CD99L2: variants seen among roughly 807,000 people sequenced by gnomAD.
The protein encoded by CD99L2 is CD99 molecule like 2.
A neutral mutation model predicts 27.3 loss-of-function variants in CD99L2; 24 were observed. The ratio of observed to expected loss-of-function variants is 0.88; its 90% CI spans 0.64 to 1.24. The LOEUF is 1.24. CD99L2 is among the 50% of genes most tolerant of loss of function. CD99L2 has a pLI of 0.00. For synonymous variants in CD99L2, 97 were observed against 87.9 expected (o/e 1.10, Z -0.58); for missense variants, 255 against 221.6 (o/e 1.15, Z -0.96).
chrX:150,882,527 C>A (rs1209513179), intron 1 of CD99L2, among the ~76,000 whole-genome samples: 4 of 109,934 alleles, frequency 3.6e-5, no homozygotes, highest in African/African-American at 1.3e-4. Context: ...GAGTTCGAGA[C>A]CAGCCTGGCC....
At chrX:150,775,257 C>A (rs923579396) in intron 9 of CD99L2, among the ~76,000 whole-genome samples, 9 of 111,383 alleles carry the variant, frequency 8.1e-5, no homozygotes, top group African/African-American at 2.9e-4. Flanking sequence ...TCAAAGGGGC[C>A]GGGGAAGGAG....
At chrX:150,831,144 C>A in intron 2 of CD99L2, 87 bp downstream of exon 2, 1 of 762,334 alleles carries the variant, frequency 1.3e-6, no homozygotes, top group South Asian at 2.5e-5. Context: ...TAAAATATAT[C>A]ATTTTTCTTG....
Position 150,766,409 on chromosome X carries a change from C to A in CD99L2, c.*2625G>T. ...TCACACCTGGACACAAGCACGTGAACAGATGTACAGGGAATTCTGGAATTT... is the reference window on the plus strand; with the variant it reads ...TCACACCTGGACACAAGCACGTGAAAAGATGTACAGGGAATTCTGGAATTT... On this transcript the variant is annotated 3_prime_UTR_variant, in exon 11 of 11. Transcript: ENST00000370377. 9.0e-6 allele frequency: 1 copy of A among 110,962 alleles called. No individual in the cohort carries two copies. The highest frequency in any genetic ancestry group is 1.9e-5 in the Non-Finnish European group (1 of 53,008). 9.1% of individuals were successfully genotyped at this position (110,962 alleles called of 1,213,427 possible).
intron 4 of CD99L2, among the ~76,000 whole-genome samples, chrX:150,814,068 C>T (rs1277177898): frequency 5.4e-5 from 6 of 111,911 alleles, no homozygotes; most frequent in Non-Finnish European, 1.1e-4. Flanking sequence ...TTCAGTTTTA[C>T]ACAATGACAC....
intron 4 of CD99L2, among the ~76,000 whole-genome samples, chrX:150,798,173 AAGGAAGGAAGGG>A (rs1557419962): frequency 1.1e-4 from 1 of 9,505 alleles, no homozygotes; most frequent in Admixed American, 1.3e-3. Context: ...GAAAGGAAGG[AAGGAAGGAAGGG>A]AGGGAGGGAG....
At chrX:150,882,588 T>A (rs987247471) in intron 1 of CD99L2, among the ~76,000 whole-genome samples, 20 of 109,464 alleles carry the variant, frequency 1.8e-4, no homozygotes, top group African/African-American at 6.7e-4. Flanking sequence ...TAGCCAGAAA[T>A]CACTTGAACC....
rs1443286977 is a variant in CD99L2 at position 150,770,460 on chromosome X, CT to C, written c.656-92del. ...GAACTCCTGACCAAGTCCTCTGCAG[CT>C]AAAAAAGCAGCACAGCTCCCCTGGG... On this transcript the variant is annotated intron_variant, in intron 9 of 10. Coordinates refer to ENST00000370377, the MANE Select transcript of CD99L2 (RefSeq NM_031462.4). 120 of 845,619 alleles carry C rather than the reference CT, an allele frequency of 1.4e-4. No homozygotes were observed. In the African/African-American group the frequency reaches 1.9e-3, roughly 13 times the overall value. 69.7% of individuals were successfully genotyped at this position (845,619 alleles called of 1,213,427 possible). A position where few individuals can be genotyped will look rare whatever the true frequency, so the allele number is the denominator to read the frequency against.
intron 1 of CD99L2, among the ~76,000 whole-genome samples, chrX:150,886,570 C>G (rs781917022): frequency 2.9e-4 from 33 of 112,686 alleles, no homozygotes; most frequent in Non-Finnish European, 4.7e-4. Context: ...TGACATTTCT[C>G]AGAACATCTC....
chrX:150,836,411 T>C (rs1264693643), intron 1 of CD99L2, among the ~76,000 whole-genome samples: 1 of 110,691 alleles, frequency 9.0e-6, no homozygotes, highest in African/African-American at 3.3e-5. Context: ...TAGCGCAATC[T>C]CAGCTCACCA....
chrX:150,881,812 C>G (rs1479580536), intron 1 of CD99L2, among the ~76,000 whole-genome samples: 1 of 105,538 alleles, frequency 9.5e-6, no homozygotes, highest in Non-Finnish European at 1.9e-5. Flanking sequence ...AGTACTCTTT[C>G]CAATTTTTTT....
intron 2 of CD99L2, among the ~76,000 whole-genome samples, chrX:150,827,654 C>T (rs2046386083): frequency 9.0e-6 from 1 of 111,208 alleles, no homozygotes; most frequent in Non-Finnish European, 1.9e-5. Context: ...ATTTATTTTC[C>T]TGGGGATCTA....
chrX:150,861,090 C>T (rs992156240), intron 1 of CD99L2, among the ~76,000 whole-genome samples: 4 of 99,294 alleles, frequency 4.0e-5, no homozygotes, highest in East Asian at 3.0e-4. Flanking sequence ...TGCAGTGAGC[C>T]GAGACCGCAC....
chrX:150,786,663 A>G (rs1229020311), intron 7 of CD99L2, among the ~76,000 whole-genome samples: 1 of 111,991 alleles, frequency 8.9e-6, no homozygotes, highest in East Asian at 2.8e-4. Flanking sequence ...GCTACTGTGA[A>G]TAGTGCTGCA....
intron 1 of CD99L2, among the ~76,000 whole-genome samples, chrX:150,868,442 C>T (rs2047105539): frequency 1.8e-5 from 2 of 111,888 alleles, no homozygotes; most frequent in Non-Finnish European, 1.9e-5. Flanking sequence ...GCAGAAGAAT[C>T]GCTTAGCCTG....
At chrX:150,800,924 G>T (rs961893456) in intron 4 of CD99L2, among the ~76,000 whole-genome samples, 1 of 109,526 alleles carries the variant, frequency 9.1e-6, no homozygotes, top group African/African-American at 3.3e-5. Flanking sequence ...CCGGCTACTC[G>T]GGAGGCTGAG....
intron 1 of CD99L2, among the ~76,000 whole-genome samples, chrX:150,857,249 G>C (rs182064401): frequency 1.8e-5 from 2 of 111,262 alleles, no homozygotes; most frequent in African/African-American, 6.5e-5. Context: ...TAGACATCCA[G>C]ATCCAGGAGG....
At chrX:150,798,669 A>G (rs2045853508) in intron 4 of CD99L2, among the ~76,000 whole-genome samples, 1 of 44,460 alleles carries the variant, frequency 2.2e-5, no homozygotes, top group Non-Finnish European at 4.0e-5. Flanking sequence ...GGATTTGATG[A>G]TGATTTCCTG....
intron 1 of CD99L2, among the ~76,000 whole-genome samples, chrX:150,879,174 G>T: frequency 8.9e-6 from 1 of 111,829 alleles, no homozygotes. Context: ...AAGAGGGGAA[G>T]ATGACAGAAG....
chrX:150,834,648 C>A (rs1421478280), intron 1 of CD99L2, among the ~76,000 whole-genome samples: 2 of 111,855 alleles, frequency 1.8e-5, no homozygotes, highest in Non-Finnish European at 3.8e-5. Flanking sequence ...ATTAGTATAG[C>A]CATTTTGGAG....
Sources: allele counts gnomAD v4.1 joint callset (sites outside exome capture counted in the v4.1 genomes callset), GRCh38; gene constraint gnomAD v4.1.1; transcripts MANE v1.5; gene names NCBI Gene and HGNC (gene_info 2026-07-23, HGNC 2026-07-21).